The following HEBP2 variants were observed in gnomAD, a reference collection of about 807,000 sequenced individuals.
HEBP2 encodes heme binding protein 2.
Under a neutral mutation model 23.1 loss-of-function variants are expected in HEBP2, and 27 were observed. That is an observed-to-expected ratio of 1.17 (90% CI 0.86 to 1.61). The LOEUF (loss-of-function observed/expected upper bound fraction) is 1.61, where lower values mean the gene tolerates loss of function less well. HEBP2 is among the 40% of genes most tolerant of loss of function. The pLI, the probability that HEBP2 is intolerant of heterozygous loss-of-function variation, is 0.00. For missense variants in HEBP2, 245 were observed against 253.8 expected (o/e 0.97, Z 0.24); for synonymous variants, 99 against 95.1 (o/e 1.04, Z -0.24).
At position 138,413,069 on chromosome 6, in the gene HEBP2, A is replaced by C. The variant is rs1291032382; in HGVS notation, c.609A>C (p.Glu203Asp). The C allele has an allele frequency of 4.3e-6, 7 of 1,612,048 alleles. No individual in the cohort carries two copies. The highest frequency in any genetic ancestry group is 5.1e-6 in the Non-Finnish European group (6 of 1,179,288). ...WLIQKNEPTK[E>D]NE ...TTCAAAAAAATGAACCCACCAAAGAAAACGAATGAGAAAAATGAAAGGAAG... is the reference window on the plus strand; with the variant it reads ...TTCAAAAAAATGAACCCACCAAAGACAACGAATGAGAAAAATGAAAGGAAG... The change falls in exon 4 of 4, where the codon GAA becomes GAC. Residue 203 changes from glutamate to aspartate, a missense_variant. Physicochemically the swap from Glu to Asp is conservative, Grantham distance 45. Coordinates refer to ENST00000607197, the MANE Select transcript of HEBP2 (RefSeq NM_014320.3).
rs1276034717 is a variant in HEBP2, at chr6:138,412,906, A to C, written c.446A>C (p.Gln149Pro). Reference sequence around the variant, plus strand: ...TCTTTCGATGGATTTTCTAGTGCCCAAAAGAATCAAGAACAACTTTTGACA... The same window carrying C: ...TCTTTCGATGGATTTTCTAGTGCCCCAAAGAATCAAGAACAACTTTTGACA... Reference protein sequence around the residue: ...VRSFDGFSSAQKNQEQLLTLA... With the variant: ...VRSFDGFSSAPKNQEQLLTLA... Residue 149 changes from glutamine (Q) to proline (P), a missense_variant, in exon 4 of 4, where the codon CAA becomes CCA. Gln to Pro is a moderately conservative substitution (Grantham distance 76). Coordinates refer to ENST00000607197, the MANE Select transcript of HEBP2 (RefSeq NM_014320.3). 6.2e-7 allele frequency: 1 copy of C among 1,614,000 alleles called. No homozygotes were observed. Among genetic ancestry groups the C allele is most frequent in the South Asian group, 1.1e-5 (1 of 91,050 alleles).
rs571827429 is a variant in HEBP2 at position 138,417,904 on chromosome 6, A to C, written c.*4826A>C. 1 of 152,250 alleles carries C rather than the reference A, an allele frequency of 6.6e-6. No individual in the cohort carries two copies. Among genetic ancestry groups the C allele is most frequent in the Non-Finnish European group, 1.5e-5 (1 of 68,040 alleles). The allele number at this position is 152,250 out of a possible 1,614,324, so 9.4% of individuals were successfully genotyped here. The stretch of plus-strand genomic sequence containing the variant: ...AATAACTCATAATGCATGGGTCATC[A>C]GGTGGAGTCCTCCAACAGGTGTTGC... On this transcript the variant is annotated 3_prime_UTR_variant, in exon 4 of 4. Transcript: ENST00000607197.
chr6:138,404,135 C>T (rs368857379), upstream of HEBP2: 2 of 227,886 alleles, frequency 8.8e-6, no homozygotes, highest in African/African-American at 2.3e-5. Context: ...GCCCGCGGGG[C>T]CACCTGTGTG....
upstream of HEBP2, chr6:138,403,647 A>G: frequency 2.3e-6 from 1 of 435,832 alleles, no homozygotes; most frequent in East Asian, 3.5e-5. Context: ...GGCCGGCGGA[A>G]AGGGGGTGCT....
chr6:138,404,976 G>A (rs1774614871), intron 1 of HEBP2, among the ~76,000 whole-genome samples, 169 bp from the exon 2 acceptor site: 1 of 151,792 alleles, frequency 6.6e-6, no homozygotes, highest in Non-Finnish European at 1.5e-5. Context: ...ACCTCGTGGA[G>A]GGGAACCTCC....
Position 138,421,231 on chromosome 6 carries a change from C to G in HEBP2, c.*8153C>G, listed in dbSNP as rs767630356. The G allele has an allele frequency of 4.6e-5, 7 of 151,828 alleles. No homozygotes were observed. The highest frequency in any genetic ancestry group is 4.6e-4 in the Admixed American group (7 of 15,248). The allele number at this position is 151,828 out of a possible 1,614,324, so 9.4% of individuals were successfully genotyped here. On this transcript the variant is annotated 3_prime_UTR_variant, in exon 4 of 4. Coordinates refer to ENST00000607197, the MANE Select transcript of HEBP2 (RefSeq NM_014320.3). ...TTGATGATGGAATCAGCATCGCATG[C>G]AGGCTGAACCCCTACTACGGCAGAA...
Position 138,413,214 on chromosome 6 carries a change from G to A in HEBP2, c.*136G>A, listed in dbSNP as rs1562241421. On this transcript the variant is annotated 3_prime_UTR_variant, in exon 4 of 4. Transcript: ENST00000607197. ...TATTAATTAAGCTTATTTCCAATGT[G>A]CCTTTTTAATGCTTGAAGTTTTATC... 3 of 678,884 alleles carry A rather than the reference G, an allele frequency of 4.4e-6. No homozygotes were observed. The highest frequency in any genetic ancestry group is 7.5e-6 in the Non-Finnish European group (3 of 399,982). 42.1% of individuals were successfully genotyped at this position (678,884 alleles called of 1,614,324 possible).
chr6:138,404,980 AACCTCCCAGACCTAAGGAGCGGGG>A lies in HEBP2; in HGVS notation c.103-159_103-136del, dbSNP rs1774614943. Among the ~76,000 whole-genome samples the A allele has an allele frequency of 2.6e-4, 40 of 151,086 alleles. 2 individuals carry two copies. In the South Asian group the frequency reaches 8.4e-3, roughly 32 times the overall value. ...CAAGGAGGGGAACCTCGTGGAGGGG[AACCTCCCAGACCTAAGGAGCGGGG>A]ACCTCAGGCCGGACCCCGGGGCGGT... On this transcript the variant is annotated intron_variant, in intron 1 of 3. Coordinates refer to ENST00000607197, the MANE Select transcript of HEBP2 (RefSeq NM_014320.3).
Position 138,406,199 on chromosome 6 carries a change from C to T in HEBP2, c.419+48C>T, listed in dbSNP as rs564053506. On this transcript the variant is annotated intron_variant, in intron 3 of 3. Coordinates refer to ENST00000607197, the MANE Select transcript of HEBP2 (RefSeq NM_014320.3). ...CCTTGCTGACTGCTAGTTTTACTTG[C>T]GTGCACTCACAGTTTAGCTCCAATG... is the stretch of plus-strand genomic sequence containing the variant. 17 of 1,521,568 alleles carry T rather than the reference C, an allele frequency of 1.1e-5. 1 individual carries two copies. The highest frequency in any genetic ancestry group is 4.7e-5 in the South Asian group (4 of 85,896). The allele number at this position is 1,521,568 out of a possible 1,614,324, so 94.3% of individuals were successfully genotyped here.
intron 3 of HEBP2, 83 bp from the exon 4 acceptor site, chr6:138,412,797 G>A (rs1366002695): frequency 2.5e-6 from 3 of 1,194,156 alleles, no homozygotes; most frequent in Non-Finnish European, 3.7e-6. Flanking sequence ...AGCATTCACG[G>A]TACTAGCGCC....
rs1774898195 is a variant in HEBP2 at position 138,420,194 on chromosome 6, G to A, written c.*7116G>A. On this transcript the variant is annotated 3_prime_UTR_variant, in exon 4 of 4. Transcript: ENST00000607197. Reference sequence around the variant, plus strand: ...GAGCTTGGTTTATACTATCAAAAAAGCCACCAAGACCAGCAAAGATGACAG... The same window carrying A: ...GAGCTTGGTTTATACTATCAAAAAAACCACCAAGACCAGCAAAGATGACAG... 1 of 152,132 alleles carries A rather than the reference G, an allele frequency of 6.6e-6. No individual in the cohort carries two copies. The highest frequency in any genetic ancestry group is 2.4e-5 in the African/African-American group (1 of 41,400). 9.4% of individuals were successfully genotyped at this position (152,132 alleles called of 1,614,324 possible). A position where few individuals can be genotyped will look rare whatever the true frequency, so the allele number is the denominator to read the frequency against.
In HEBP2 at chr6:138,416,026, G is replaced by A. The variant is rs891705542; in HGVS notation, c.*2948G>A. On this transcript the variant is annotated 3_prime_UTR_variant, in exon 4 of 4. Transcript: ENST00000607197. ...ACGAGACTTAAGTCACAACATAACT[G>A]ATTGCGGCTGAGGGGTCTGATGAGG... 6.6e-6 allele frequency: 1 copy of A among 152,294 alleles called. No homozygotes were observed. Among genetic ancestry groups the A allele is most frequent in the Non-Finnish European group, 1.5e-5 (1 of 68,174 alleles). 9.4% of individuals were successfully genotyped at this position (152,294 alleles called of 1,614,324 possible).
At position 138,414,598 on chromosome 6, in the gene HEBP2, G is replaced by A. The variant is rs1774810549; in HGVS notation, c.*1520G>A. The A allele has an allele frequency of 6.6e-6, 1 of 152,218 alleles. No homozygotes were observed. 9.4% of individuals were successfully genotyped at this position (152,218 alleles called of 1,614,324 possible). A position where few individuals can be genotyped will look rare whatever the true frequency, so the allele number is the denominator to read the frequency against. ...CTGTGAGGGGTGTGGTTCGCCGACA[G>A]TCTCCCCGTTACCGTCTTCAGGGTC... On this transcript the variant is annotated 3_prime_UTR_variant, in exon 4 of 4. Coordinates refer to ENST00000607197, the MANE Select transcript of HEBP2 (RefSeq NM_014320.3).
chr6:138,403,692 A>C (rs1208856364), upstream of HEBP2: 1 of 414,228 alleles, frequency 2.4e-6, no homozygotes, highest in African/African-American at 2.1e-5. Flanking sequence ...GGCTCGGGAA[A>C]GCCCTGGTAA....
chr6:138,407,516 A>G (rs1384522304), intron 3 of HEBP2, among the ~76,000 whole-genome samples: 1 of 152,232 alleles, frequency 6.6e-6, no homozygotes, highest in Non-Finnish European at 1.5e-5. Context: ...GGCCCTGGCC[A>G]TGGCTTTGGA....
chr6:138,410,479 C>CTTTTT (rs59336303), intron 3 of HEBP2, among the ~76,000 whole-genome samples: 5 of 134,894 alleles, frequency 3.7e-5, no homozygotes, highest in East Asian at 2.1e-4. Context: ...ATGTTTCTTT[C>CTTTTT]TTTTTTTTTT....
chr6:138,420,061 T>C lies in HEBP2; in HGVS notation c.*6983T>C, dbSNP rs1774895465. ...TGTGTGTGGAACTTAGCGGACCCAC[T>C]GGAGGCACCCTCTGTACTCCTTGCC... is the stretch of plus-strand genomic sequence containing the variant. On this transcript the variant is annotated 3_prime_UTR_variant, in exon 4 of 4. Coordinates refer to ENST00000607197, the MANE Select transcript of HEBP2 (RefSeq NM_014320.3). 6.6e-6 allele frequency: 1 copy of C among 152,258 alleles called. No individual in the cohort carries two copies. Among genetic ancestry groups the C allele is most frequent in the African/African-American group, 2.4e-5 (1 of 41,438 alleles). The allele number at this position is 152,258 out of a possible 1,614,324, so 9.4% of individuals were successfully genotyped here.
Position 138,421,807 on chromosome 6 carries a change from T to C in HEBP2, c.*8729T>C, listed in dbSNP as rs1157542732. 8.5e-5 allele frequency: 13 copies of C among 152,336 alleles called. No individual in the cohort carries two copies. In the East Asian group the frequency reaches 2.3e-3, roughly 27 times the overall value. The allele number at this position is 152,336 out of a possible 1,614,324, so 9.4% of individuals were successfully genotyped here. On this transcript the variant is annotated 3_prime_UTR_variant, in exon 4 of 4. Coordinates refer to ENST00000607197, the MANE Select transcript of HEBP2 (RefSeq NM_014320.3). ...AGGCGATAGGTTATTCGTATTTTAT[T>C]CCAAAGTCCATAGGACACGATGTGG...
intron 3 of HEBP2, 49 bp downstream of exon 3, chr6:138,406,200 G>T (rs372293964): frequency 5.3e-6 from 8 of 1,508,602 alleles, no homozygotes; most frequent in Non-Finnish European, 6.4e-6. Context: ...TTTTACTTGC[G>T]TGCACTCACA....
Sources: allele counts gnomAD v4.1 joint callset (sites outside exome capture counted in the v4.1 genomes callset), GRCh38; gene constraint gnomAD v4.1.1; transcripts MANE v1.5; gene names NCBI Gene and HGNC (gene_info 2026-07-23, HGNC 2026-07-21).